Variants in CLCA2 observed in about 807,000 individuals in gnomAD.
CLCA2 encodes chloride channel accessory 2.
A neutral mutation model predicts 82.9 loss-of-function variants in CLCA2; 85 were observed. The observed-to-expected ratio is 1.03, with a 90% CI of 0.86 to 1.23. CLCA2 has a LOEUF of 1.23. Ranked by LOEUF, CLCA2 falls within the 50% of genes most tolerant of loss-of-function variation. CLCA2 has a pLI of 0.00. For missense variants in CLCA2, 1,089 were observed against 1,124.8 expected (o/e 0.97, Z 0.45); for synonymous variants, 421 against 391.7 (o/e 1.07, Z -0.88).
In CLCA2 at chr1:86,440,048, G is replaced by A. The variant is rs1558110655; in HGVS notation, c.1204-100G>A. 4.3e-6 allele frequency: 5 copies of A among 1,172,356 alleles called. No individual in the cohort carries two copies. The East Asian group carries it at 7.1e-5, about 17-fold the overall frequency. 72.6% of individuals were successfully genotyped at this position (1,172,356 alleles called of 1,614,324 possible). ...ACTTGAGTGGAGATGGGCGTGGGGT[G>A]TAGGAGCTACAGTGGGAATTTGGAT... is the stretch of plus-strand genomic sequence containing the variant. On this transcript the variant is annotated intron_variant, in intron 7 of 13. Transcript: ENST00000370565.
In CLCA2 at chr1:86,454,109, G is replaced by A. The variant is rs145374623; in HGVS notation, c.2389+507G>A. Reference sequence around the variant, plus strand: ...TATTCTCGCTTGGGTAAACATTGACGGAGTACTTTTTCTACTTTCCCTTTT... The same window carrying A: ...TATTCTCGCTTGGGTAAACATTGACAGAGTACTTTTTCTACTTTCCCTTTT... On this transcript the variant is annotated intron_variant, in intron 13 of 13. Transcript: ENST00000370565. 9.5e-3 allele frequency among the ~76,000 whole-genome samples: 1,445 copies of A among 152,218 alleles called. 9 individuals are homozygous for A. The highest frequency in any genetic ancestry group is 0.015 in the Non-Finnish European group (1,053 of 67,994).
At chr1:86,430,105 A>AG (rs1662464563) in intron 3 of CLCA2, among the ~76,000 whole-genome samples, 1 of 136,474 alleles carries the variant, frequency 7.3e-6, no homozygotes, top group South Asian at 2.3e-4. Flanking sequence ...AAAATAATTC[A>AG]GAAAAAAGAA....
At chr1:86,432,723 T>C (rs1170705792) in intron 5 of CLCA2, among the ~76,000 whole-genome samples, 195 bp downstream of exon 5, 1 of 152,170 alleles carries the variant, frequency 6.6e-6, no homozygotes, top group Non-Finnish European at 1.5e-5. Flanking sequence ...TTCAGGAAAG[T>C]GACTATTTGC....
At chr1:86,453,197 C>T (rs1663009052) in intron 12 of CLCA2, among the ~76,000 whole-genome samples, 172 bp from the exon 13 acceptor site, 1 of 151,990 alleles carries the variant, frequency 6.6e-6, no homozygotes, top group Non-Finnish European at 1.5e-5. Context: ...TAAAGATCTA[C>T]TGAGTGAATA....
At chr1:86,454,469 A>C (rs1389842195) in intron 13 of CLCA2, among the ~76,000 whole-genome samples, 1 of 152,186 alleles carries the variant, frequency 6.6e-6, no homozygotes, top group Non-Finnish European at 1.5e-5. Context: ...ACTTGACTAG[A>C]TAAAGCAGAA....
intron 2 of CLCA2, among the ~76,000 whole-genome samples, chr1:86,426,353 A>C (rs954228770): frequency 1.3e-5 from 2 of 151,958 alleles, no homozygotes; most frequent in Non-Finnish European, 2.9e-5. Context: ...CTTATTTCTG[A>C]CCCTCAGTAT....
At chr1:86,435,520 A>G (rs1201248856) in intron 6 of CLCA2, among the ~76,000 whole-genome samples, 1 of 152,208 alleles carries the variant, frequency 6.6e-6, no homozygotes, top group East Asian at 1.9e-4. Context: ...AGCAGCCTCC[A>G]GCTGCTTTAA....
At position 86,429,142 on chromosome 1, in the gene CLCA2, G is replaced by A. The variant is rs533324493; in HGVS notation, c.475+574G>A. Among the ~76,000 whole-genome samples the A allele has an allele frequency of 1.0e-3, 159 of 152,220 alleles. 1 individual carries two copies. Among genetic ancestry groups the A allele is most frequent in the East Asian group, 1.5e-3 (8 of 5,188 alleles). Reference sequence around the variant, plus strand: ...AATCTGGCTTCCTCTGATCAATGAAGGAGAAACTGGATATCAGGAGAATAA... The same window carrying A: ...AATCTGGCTTCCTCTGATCAATGAAAGAGAAACTGGATATCAGGAGAATAA... On this transcript the variant is annotated intron_variant, in intron 3 of 13. Coordinates refer to ENST00000370565, the MANE Select transcript of CLCA2 (RefSeq NM_006536.7).
At chr1:86,443,191 T>G (rs1470578637) in intron 9 of CLCA2, among the ~76,000 whole-genome samples, 1 of 152,096 alleles carries the variant, frequency 6.6e-6, no homozygotes, top group Non-Finnish European at 1.5e-5. Context: ...CACACCTGAC[T>G]AATTTGTTGG....
chr1:86,440,088 T>C, intron 7 of CLCA2, 60 bp from the exon 8 acceptor site: 2 of 1,541,710 alleles, frequency 1.3e-6, no homozygotes, highest in Admixed American at 3.5e-5. Flanking sequence ...GTGAATTCTT[T>C]TGCTCAATAA....
At position 86,450,601 on chromosome 1, in the gene CLCA2, T is replaced by C. The variant is rs754856772; in HGVS notation, c.2023T>C (p.Tyr675His). ...AAAAAATGATGGAATTTACTCGAGG[T>C]ATTTTTTCTCCTTTGCTGCAAATGG... ...VIKNDGIYSR[Y>H]FFSFAANGRY... The change falls in exon 12 of 14, where the codon TAT (tyrosine) becomes CAT (histidine). Residue 675 changes from tyrosine (Y) to histidine (H), a missense_variant. Coordinates refer to ENST00000370565, the MANE Select transcript of CLCA2 (RefSeq NM_006536.7). The C allele has an allele frequency of 6.2e-7, 1 of 1,613,130 alleles. No homozygotes were observed. The highest frequency in any genetic ancestry group is 8.5e-7 in the Non-Finnish European group (1 of 1,179,468).
rs775666804 is a variant in CLCA2, at chr1:86,450,629, G to T, written c.2051G>T (p.Arg684Ile). The change falls in exon 12 of 14, where the codon AGA becomes ATA. Residue 684 changes from arginine to isoleucine, a missense_variant. Arg to Ile is a moderately conservative substitution (Grantham distance 97). Coordinates refer to ENST00000370565, the MANE Select transcript of CLCA2 (RefSeq NM_006536.7). Reference sequence around the variant, plus strand: ...TTTTTCTCCTTTGCTGCAAATGGTAGATATAGCTTGAAAGTGCATGTCAAT... The same window carrying T: ...TTTTTCTCCTTTGCTGCAAATGGTATATATAGCTTGAAAGTGCATGTCAAT... ...RYFFSFAANG[R>I]YSLKVHVNHS... 2.5e-6 allele frequency: 4 copies of T among 1,613,164 alleles called. No homozygotes were observed. The Admixed American group carries it at 5.0e-5, about 20-fold the overall frequency.
At position 86,450,465 on chromosome 1, in the gene CLCA2, T is replaced by C. The variant is rs1284213499; in HGVS notation, c.1985-98T>C. On this transcript the variant is annotated intron_variant, in intron 11 of 13. Coordinates refer to ENST00000370565, the MANE Select transcript of CLCA2 (RefSeq NM_006536.7). ...TAAGAGCATGATAATATATCTTATATAGAAAGAATAAGGGGAGTAAATCTC... is the reference window on the plus strand; with the variant it reads ...TAAGAGCATGATAATATATCTTATACAGAAAGAATAAGGGGAGTAAATCTC... 2.2e-6 allele frequency: 2 copies of C among 909,254 alleles called. 1 individual carries two copies. Among genetic ancestry groups the C allele is most frequent in the South Asian group, 4.5e-5 (2 of 44,556 alleles). The allele number at this position is 909,254 out of a possible 1,614,324, so 56.3% of individuals were successfully genotyped here. A position where few individuals can be genotyped will look rare whatever the true frequency, so the allele number is the denominator to read the frequency against.
At chr1:86,450,768 C>A in intron 12 of CLCA2, 35 bp downstream of exon 12, 3 of 1,539,076 alleles carry the variant, frequency 1.9e-6, no homozygotes, top group Non-Finnish European at 2.6e-6. Flanking sequence ...TGAGTAACAT[C>A]ATTTCATGTA....
In CLCA2 at chr1:86,455,974, T is replaced by G. The variant is rs1332507177; in HGVS notation, c.*447T>G. 1 of 152,286 alleles carries G rather than the reference T, an allele frequency of 6.6e-6. No homozygotes were observed. Among genetic ancestry groups the G allele is most frequent in the Non-Finnish European group, 1.5e-5 (1 of 68,086 alleles). 9.4% of individuals were successfully genotyped at this position (152,286 alleles called of 1,614,324 possible). ...TTTACAACTGAAGATCATGCTATAT[T>G]TTATATATGAAGCCCCTAATGCAAA... is the stretch of plus-strand genomic sequence containing the variant. On this transcript the variant is annotated 3_prime_UTR_variant, in exon 14 of 14. Coordinates refer to ENST00000370565, the MANE Select transcript of CLCA2 (RefSeq NM_006536.7).
chr1:86,449,616 G>A (rs1016834460), intron 11 of CLCA2, among the ~76,000 whole-genome samples: 1 of 152,148 alleles, frequency 6.6e-6, no homozygotes, highest in South Asian at 2.1e-4. Flanking sequence ...CTTTTCTTAT[G>A]TTAAGGAGCC....
At chr1:86,448,617 T>C (rs1050488202) in intron 11 of CLCA2, 1 of 152,372 alleles carries the variant, frequency 6.6e-6, no homozygotes, top group South Asian at 2.1e-4. Context: ...AACAAAATTA[T>C]ATTCTTTTGC....
chr1:86,428,439 T>C lies in CLCA2; in HGVS notation c.346T>C (p.Trp116Arg). The C allele has an allele frequency of 1.2e-6, 2 of 1,603,680 alleles. No individual in the cohort carries two copies. Among genetic ancestry groups the C allele is most frequent in the Non-Finnish European group, 1.7e-6 (2 of 1,175,526 alleles). ...YEKANVIVTD[W>R]YGAHGDDPYT... Reference sequence around the variant, plus strand: ...TTAGGCAAATGTCATAGTGACTGACTGGTATGGGGCACATGGAGATGATCC... The same window carrying C: ...TTAGGCAAATGTCATAGTGACTGACCGGTATGGGGCACATGGAGATGATCC... Residue 116 changes from tryptophan to arginine, a missense_variant, in exon 3 of 14, where the codon TGG becomes CGG. Physicochemically the swap from Trp to Arg is moderately radical, Grantham distance 101. Coordinates refer to ENST00000370565, the MANE Select transcript of CLCA2 (RefSeq NM_006536.7).
At chr1:86,426,079 C>T (rs1662380436) in intron 2 of CLCA2, among the ~76,000 whole-genome samples, 1 of 152,006 alleles carries the variant, frequency 6.6e-6, no homozygotes, top group South Asian at 2.1e-4. Flanking sequence ...TTGAAAGGCT[C>T]TCATAAGTTG....
Sources: gnomAD v4.1 joint callset for allele counts (sites outside exome capture counted in the v4.1 genomes callset) on GRCh38, gnomAD v4.1.1 for gene constraint, MANE v1.5 for transcripts, NCBI Gene and HGNC (gene_info 2026-07-23, HGNC 2026-07-21) for gene names.